The following ADK variants were observed in gnomAD, a reference collection of about 807,000 sequenced individuals.
ADK encodes adenosine kinase, also known as N6,N6-dimethyladenosine kinase.
Under a neutral mutation model 44.7 loss-of-function variants are expected in ADK, and 24 were observed. The ratio of observed to expected loss-of-function variants is 0.54; its 90% CI spans 0.39 to 0.76. ADK has a LOEUF of 0.76. ADK is among the 30% of genes least tolerant of loss of function. ADK has a pLI of 0.00. For synonymous variants in ADK, 128 were observed against 142.6 expected (o/e 0.90, Z 0.73); for missense variants, 321 against 425.1 (o/e 0.76, Z 2.15).
chr10:74,563,691 T>C (rs58480067), intron 7 of ADK, among the ~76,000 whole-genome samples: 3,296 of 152,286 alleles, frequency 0.022, 103 homozygotes, highest in African/African-American at 0.063. Context: ...AATGCATGTA[T>C]ACATATGTCT....
chr10:74,631,233 CGTGTGTGTGT>C (rs142037822), intron 9 of ADK, among the ~76,000 whole-genome samples: 3 of 147,560 alleles, frequency 2.0e-5, no homozygotes, highest in South Asian at 2.1e-4. Flanking sequence ...AACCTGTGTG[CGTGTGTGTGT>C]GTGTGTATGT....
At chr10:74,336,995 G>A (rs1242567196) in intron 4 of ADK, among the ~76,000 whole-genome samples, 1 of 152,114 alleles carries the variant, frequency 6.6e-6, no homozygotes, top group African/African-American at 2.4e-5. Flanking sequence ...GATATGGTGG[G>A]CCTATATATA....
intron 7 of ADK, among the ~76,000 whole-genome samples, chr10:74,541,797 C>CCG (rs1554878469): frequency 8.0e-6 from 1 of 125,006 alleles, no homozygotes; most frequent in African/African-American, 3.1e-5. Flanking sequence ...CCCACACACC[C>CCG]CCCCCCCCTA....
chr10:74,330,023 C>G (rs533121413), intron 4 of ADK, among the ~76,000 whole-genome samples: 41 of 151,866 alleles, frequency 2.7e-4, no homozygotes, highest in African/African-American at 9.9e-4. Context: ...AAAAAATTAG[C>G]CAGGCACGGT....
intron 3 of ADK, among the ~76,000 whole-genome samples, chr10:74,269,456 T>C (rs187150919): frequency 1.7e-4 from 26 of 152,328 alleles, no homozygotes; most frequent in Admixed American, 1.3e-3. Context: ...AAAGAACTTA[T>C]TTTTACTAAT....
At chr10:74,495,401 A>G (rs576500142) in intron 6 of ADK, among the ~76,000 whole-genome samples, 3 of 152,196 alleles carry the variant, frequency 2.0e-5, no homozygotes, top group South Asian at 4.1e-4. Context: ...GCACTAGACA[A>G]TGTACAAAAT....
chr10:74,446,989 G>T (rs1355957885), intron 6 of ADK, among the ~76,000 whole-genome samples: 1 of 151,962 alleles, frequency 6.6e-6, no homozygotes, highest in African/African-American at 2.4e-5. Flanking sequence ...AATATATTTT[G>T]ATATCTGCTG....
chr10:74,366,077 C>A (rs576603644), intron 4 of ADK, among the ~76,000 whole-genome samples: 19 of 152,058 alleles, frequency 1.2e-4, no homozygotes, highest in African/African-American at 4.6e-4. Flanking sequence ...TATTTTTAAC[C>A]AAGAAATACC....
chr10:74,169,095 T>C (rs1251116381), intron 1 of ADK, among the ~76,000 whole-genome samples: 1 of 151,978 alleles, frequency 6.6e-6, no homozygotes, highest in East Asian at 1.9e-4. Flanking sequence ...GGCGTGCATA[T>C]GTGGTCCCAG....
intron 4 of ADK, among the ~76,000 whole-genome samples, chr10:74,318,899 T>G (rs1014611911): frequency 2.0e-5 from 3 of 152,202 alleles, no homozygotes; most frequent in Non-Finnish European, 4.4e-5. Flanking sequence ...CATGCTTTTG[T>G]TGAGAGGATA....
intron 10 of ADK, among the ~76,000 whole-genome samples, chr10:74,685,505 C>A (rs1213253110): frequency 2.6e-5 from 4 of 152,180 alleles, no homozygotes; most frequent in Admixed American, 6.5e-5. Context: ...CTTTAAGCCA[C>A]AAAGTAGCAG....
chr10:74,444,649 T>C (rs1187866008), intron 6 of ADK, among the ~76,000 whole-genome samples: 1 of 152,094 alleles, frequency 6.6e-6, no homozygotes, highest in East Asian at 1.9e-4. Flanking sequence ...TGTAAACATA[T>C]AATTTATAAT....
rs142743230 is a variant in ADK, at chr10:74,332,525, G to C, written c.273+17780G>C. Among the ~76,000 whole-genome samples, 207 of 152,260 alleles carry C rather than the reference G, an allele frequency of 1.4e-3. 1 individual carries two copies. Among genetic ancestry groups the C allele is most frequent in the African/African-American group, 4.8e-3 (198 of 41,562 alleles). ...GAATGTTTTCAACACAGAAAAGCAT[G>C]GTTTGTGTATTGGCAGAAAGTAAAA... On this transcript the variant is annotated intron_variant, in intron 4 of 10. Coordinates refer to ENST00000539909, the MANE Select transcript of ADK (RefSeq NM_006721.4).
chr10:74,245,908 C>T (rs1420948535), intron 3 of ADK, among the ~76,000 whole-genome samples: 1 of 152,044 alleles, frequency 6.6e-6, no homozygotes, highest in East Asian at 1.9e-4. Flanking sequence ...AGTTTTTTAT[C>T]TTATGCTTTT....
At chr10:74,491,537 T>C (rs1209195408) in intron 6 of ADK, among the ~76,000 whole-genome samples, 1 of 152,236 alleles carries the variant, frequency 6.6e-6, no homozygotes, top group Non-Finnish European at 1.5e-5. Context: ...TTAAAGAAAT[T>C]TCTCCACTGA....
chr10:74,647,507 G>T (rs1440178767), intron 9 of ADK, among the ~76,000 whole-genome samples: 7 of 152,118 alleles, frequency 4.6e-5, no homozygotes, highest in African/African-American at 1.7e-4. Flanking sequence ...TGAGCGGGGA[G>T]ATATTACTAT....
intron 10 of ADK, among the ~76,000 whole-genome samples, chr10:74,685,303 C>A (rs190915700): frequency 5.2e-4 from 79 of 152,304 alleles, no homozygotes; most frequent in African/African-American, 1.9e-3. Context: ...TGTCTTCTTG[C>A]ACTACTGCCT....
At chr10:74,340,373 C>T (rs1182349256) in intron 4 of ADK, among the ~76,000 whole-genome samples, 1 of 152,018 alleles carries the variant, frequency 6.6e-6, no homozygotes, top group Non-Finnish European at 1.5e-5. Context: ...AGTAGTATGA[C>T]AATCTTCATT....
At chr10:74,314,416 G>A (rs1466697216) in intron 3 of ADK, among the ~76,000 whole-genome samples, 3 of 151,966 alleles carry the variant, frequency 2.0e-5, no homozygotes, top group African/African-American at 7.2e-5. Flanking sequence ...TTTCTGTTTA[G>A]TTTAATGGCC....
Sources: allele counts gnomAD v4.1 joint callset (sites outside exome capture counted in the v4.1 genomes callset), GRCh38; gene constraint gnomAD v4.1.1; transcripts MANE v1.5; gene names NCBI Gene and HGNC (gene_info 2026-07-23, HGNC 2026-07-21).